Variants in VGLL4 observed in about 807,000 individuals in gnomAD.
VGLL4 encodes the protein vestigial like family member 4.
VGLL4 carries 7 observed loss-of-function variants against 21.0 expected under a neutral mutation model. The ratio of observed to expected loss-of-function variants is 0.33; its 90% CI spans 0.19 to 0.63. The LOEUF (loss-of-function observed/expected upper bound fraction) is 0.63. Ranked by LOEUF, VGLL4 falls within the 20% of genes least tolerant of loss-of-function variation. The pLI is 0.78. For synonymous variants in VGLL4, 222 were observed against 173.2 expected (o/e 1.28, Z -2.21); for missense variants, 394 against 425.7 (o/e 0.93, Z 0.66).
chr3:11,574,760 A>G (rs1425091436), intron 2 of VGLL4, among the ~76,000 whole-genome samples: 1 of 150,240 alleles, frequency 6.7e-6, no homozygotes, highest in Non-Finnish European at 1.5e-5. Flanking sequence ...ATGAATATGT[A>G]CAATTACTGT....
At chr3:11,588,596 G>A (rs2074413120) in intron 2 of VGLL4, among the ~76,000 whole-genome samples, 1 of 152,252 alleles carries the variant, frequency 6.6e-6, no homozygotes, top group Non-Finnish European at 1.5e-5. Flanking sequence ...GGAGGGCACT[G>A]CCGTGCAAAC....
intron 2 of VGLL4, among the ~76,000 whole-genome samples, chr3:11,599,165 A>G (rs942024912): frequency 6.6e-6 from 1 of 152,230 alleles, no homozygotes; most frequent in Non-Finnish European, 1.5e-5. Context: ...AAACAATGGT[A>G]ATGTTACTAA....
chr3:11,706,450 T>C (rs2076762106), intron 1 of VGLL4, among the ~76,000 whole-genome samples: 1 of 152,174 alleles, frequency 6.6e-6, no homozygotes. Flanking sequence ...TTTTATAAGA[T>C]AGGATAATGA....
intron 1 of VGLL4, chr3:11,610,249 T>TA (rs1469555298): frequency 6.6e-6 from 1 of 152,254 alleles, no homozygotes; most frequent in East Asian, 1.9e-4. Context: ...AGCCAGGGCT[T>TA]ACTCACTTTC....
At chr3:11,581,936 C>G (rs1290580744) in intron 2 of VGLL4, among the ~76,000 whole-genome samples, 1 of 152,232 alleles carries the variant, frequency 6.6e-6, no homozygotes, top group African/African-American at 2.4e-5. Flanking sequence ...TCACCTGAAA[C>G]TTGGTTACTT....
At chr3:11,637,008 C>A (rs746252343) in intron 1 of VGLL4, among the ~76,000 whole-genome samples, 7 of 147,542 alleles carry the variant, frequency 4.7e-5, no homozygotes, top group South Asian at 2.1e-4. Context: ...TAAAAGATCT[C>A]ACAAAAAAGA....
At chr3:11,709,107 A>G (rs972859356) in intron 1 of VGLL4, among the ~76,000 whole-genome samples, 1 of 151,950 alleles carries the variant, frequency 6.6e-6, no homozygotes, top group African/African-American at 2.4e-5. Context: ...CACCTGGAAC[A>G]TAACAACATT....
At chr3:11,572,432 T>C (rs1426953688) in intron 2 of VGLL4, among the ~76,000 whole-genome samples, 2 of 152,100 alleles carry the variant, frequency 1.3e-5, no homozygotes, top group Non-Finnish European at 2.9e-5. Context: ...CAAATGAAAA[T>C]GTGCTCTCAT....
At chr3:11,583,067 T>C (rs2074275476) in intron 2 of VGLL4, among the ~76,000 whole-genome samples, 2 of 152,142 alleles carry the variant, frequency 1.3e-5, no homozygotes, top group South Asian at 2.1e-4. Context: ...CCCGGAGAAG[T>C]GAAGCAGAAG....
intron 3 of VGLL4, among the ~76,000 whole-genome samples, chr3:11,560,203 G>A (rs2072856298): frequency 6.6e-6 from 1 of 152,186 alleles, no homozygotes; most frequent in South Asian, 2.1e-4. Flanking sequence ...TTCAGCAAGT[G>A]CATCGGTCTG....
rs2072446416 is a variant in VGLL4 at position 11,556,654 on chromosome 3, T to C, written c.*1902A>G. On this transcript the variant is annotated 3_prime_UTR_variant, in exon 5 of 5. Transcript: ENST00000430365. ...CAACAAAAAAAATGAATGATTACAA[T>C]AGGAAAGGGAAAAATTAAATAGCTA... 1.3e-5 allele frequency: 2 copies of C among 152,178 alleles called. No homozygotes were observed. Among genetic ancestry groups the C allele is most frequent in the Admixed American group, 6.6e-5 (1 of 15,250 alleles). 9.4% of individuals were successfully genotyped at this position (152,178 alleles called of 1,614,324 possible).
chr3:11,630,466 G>A (rs1031903773), intron 1 of VGLL4, among the ~76,000 whole-genome samples: 2 of 152,024 alleles, frequency 1.3e-5, no homozygotes, highest in African/African-American at 4.8e-5. Flanking sequence ...CCAACATGGT[G>A]TGACCCTGGC....
At chr3:11,682,128 G>A (rs1279081232) in intron 2 of VGLL4, among the ~76,000 whole-genome samples, 1 of 152,162 alleles carries the variant, frequency 6.6e-6, no homozygotes, top group Non-Finnish European at 1.5e-5. Flanking sequence ...GTGTGGCCGG[G>A]TGCAGTGGCT....
At chr3:11,602,833 A>G (rs975022302) in intron 1 of VGLL4, among the ~76,000 whole-genome samples, 1 of 152,202 alleles carries the variant, frequency 6.6e-6, no homozygotes, top group African/African-American at 2.4e-5. Context: ...ATAGCCTTTC[A>G]TAGTAATAAA....
chr3:11,663,457 G>A (rs894673111), intron 2 of VGLL4, among the ~76,000 whole-genome samples: 7 of 152,006 alleles, frequency 4.6e-5, no homozygotes, highest in African/African-American at 1.7e-4. Context: ...GGTGGCTCAC[G>A]CCTGCGATAC....
Position 11,720,273 on chromosome 3 carries a change from T to C in VGLL4, c.-14+121A>G, listed in dbSNP as rs1422609911. 5 of 150,782 alleles carry C rather than the reference T, an allele frequency of 3.3e-5. No individual in the cohort carries two copies. The East Asian group carries it at 1.0e-3, about 30-fold the overall frequency. 9.3% of individuals were successfully genotyped at this position (150,782 alleles called of 1,614,324 possible). ...ACCACCCGCCCGCGCCGGTTCGCCG[T>C]CCACACCCGCTCACCCCCGGAACGC... On this transcript the variant is annotated intron_variant, in intron 1 of 5. Transcript: ENST00000273038.
intron 1 of VGLL4, among the ~76,000 whole-genome samples, chr3:11,609,628 C>G (rs2075017474): frequency 6.6e-6 from 1 of 152,200 alleles, no homozygotes; most frequent in Non-Finnish European, 1.5e-5. Flanking sequence ...GATTGGGTTT[C>G]AGGGGGATTA....
chr3:11,568,706 C>A lies in VGLL4; in HGVS notation c.273-3687G>T, dbSNP rs967163787. On this transcript the variant is annotated intron_variant, in intron 2 of 4. Coordinates refer to ENST00000430365, the MANE Select transcript of VGLL4 (RefSeq NM_001128219.3). This position sits in a 1 kb window ranked among gnomAD's most constrained non-coding sequence, Gnocchi z 5.9. ...CACCTCCCGGCCACTGCTTCCCAGG[C>A]GTCATGTGCTCCCGGGGACGGCAGA... is the stretch of plus-strand genomic sequence containing the variant. 2.6e-6 allele frequency: 4 copies of A among 1,549,086 alleles called. No homozygotes were observed. The highest frequency in any genetic ancestry group is 2.6e-6 in the Non-Finnish European group (3 of 1,146,048).
At chr3:11,586,338 C>G (rs1028044958) in intron 2 of VGLL4, among the ~76,000 whole-genome samples, 1 of 152,162 alleles carries the variant, frequency 6.6e-6, no homozygotes, top group African/African-American at 2.4e-5. Context: ...TAAAAAGTAT[C>G]TATGGTGAGG....
Sources: gnomAD v4.1 joint callset for allele counts (sites outside exome capture counted in the v4.1 genomes callset) on GRCh38, gnomAD v4.1.1 for gene constraint, Gnocchi (gnomAD v3.1) non-coding constraint, MANE v1.5 for transcripts, NCBI Gene and HGNC (gene_info 2026-07-23, HGNC 2026-07-21) for gene names.